The following PHACTR1 variants were observed in gnomAD, a reference collection of about 807,000 sequenced individuals.
The protein encoded by PHACTR1 is RPEL repeat containing 1.
In PHACTR1, 16 loss-of-function variants were observed where a neutral mutation model predicts 69.2. That is an observed-to-expected ratio of 0.23 (90% CI 0.16 to 0.35). The LOEUF is 0.35. Among genes scored for constraint, PHACTR1 ranks in the 10% least tolerant of loss-of-function variants. The pLI, the probability that PHACTR1 is intolerant of heterozygous loss-of-function variation, is 1.00. For missense variants in PHACTR1, 510 were observed against 734.7 expected (o/e 0.69, Z 3.54); for synonymous variants, 312 against 284.5 (o/e 1.10, Z -0.97).
At chr6:12,889,593 G>A (rs958037341) in intron 4 of PHACTR1, among the ~76,000 whole-genome samples, 1 of 152,178 alleles carries the variant, frequency 6.6e-6, no homozygotes, top group African/African-American at 2.4e-5. Flanking sequence ...TCTTTAGCTA[G>A]TGTTTCAGTG....
At chr6:12,900,278 CTCA>C (rs1017885077) in intron 4 of PHACTR1, among the ~76,000 whole-genome samples, 1 of 151,960 alleles carries the variant, frequency 6.6e-6, no homozygotes, top group Non-Finnish European at 1.5e-5. Flanking sequence ...TTCCATTTAG[CTCA>C]TCATTTTTTT....
chr6:13,259,261 A>G (rs1456579142), intron 10 of PHACTR1, among the ~76,000 whole-genome samples: 3 of 152,222 alleles, frequency 2.0e-5, no homozygotes, highest in Non-Finnish European at 4.4e-5. Context: ...AATAATCCTA[A>G]TAATACTGAA....
At chr6:13,224,638 C>T (rs1350097725) in intron 8 of PHACTR1, among the ~76,000 whole-genome samples, 2 of 150,558 alleles carry the variant, frequency 1.3e-5, no homozygotes, top group Non-Finnish European at 3.0e-5. Context: ...TGCTGGGTGT[C>T]TGTCAGCAGC....
chr6:13,102,444 A>C (rs1583363219), intron 5 of PHACTR1, among the ~76,000 whole-genome samples: 1 of 152,330 alleles, frequency 6.6e-6, no homozygotes, highest in South Asian at 2.1e-4. Context: ...CAGTGAATAA[A>C]AATTGTAAAT....
chr6:12,881,185 C>T (rs913623172), intron 4 of PHACTR1, among the ~76,000 whole-genome samples: 7 of 151,854 alleles, frequency 4.6e-5, no homozygotes, highest in African/African-American at 1.7e-4. Flanking sequence ...GCGTGAAAGG[C>T]GGCAGATGTA....
In PHACTR1 at chr6:13,037,677, G is replaced by A. The variant is rs552221197; in HGVS notation, c.251-15688G>A. ...TAAGCTGATGGGCAGACTCCAGGGC[G>A]TTAAGAGCAAGGAGGACCCATTGGG... On this transcript the variant is annotated intron_variant, in intron 4 of 14. Coordinates refer to ENST00000332995, the MANE Select transcript of PHACTR1 (RefSeq NM_030948.6). Among the ~76,000 whole-genome samples the A allele has an allele frequency of 3.7e-4, 56 of 152,312 alleles. No homozygotes were observed. In the South Asian group the frequency reaches 0.011, roughly 30 times the overall value.
intron 11 of PHACTR1, chr6:13,278,051 T>C (rs1387800600): frequency 2.6e-6 from 1 of 381,596 alleles, no homozygotes; most frequent in East Asian, 4.6e-5. Flanking sequence ...GAAGGCAAAA[T>C]GACAAGGTCA....
At chr6:12,827,502 A>T (rs1038176528) in intron 4 of PHACTR1, among the ~76,000 whole-genome samples, 9 of 152,220 alleles carry the variant, frequency 5.9e-5, no homozygotes, top group African/African-American at 2.2e-4. Flanking sequence ...TGTGAATGAA[A>T]GCCTGTGTAT....
intron 4 of PHACTR1, among the ~76,000 whole-genome samples, chr6:13,001,323 A>G (rs1173066485): frequency 5.3e-5 from 8 of 152,162 alleles, no homozygotes; most frequent in African/African-American, 1.7e-4. Flanking sequence ...TAAATAAGAG[A>G]AAAATTGGGA....
chr6:13,262,766 T>C (rs781625274), intron 10 of PHACTR1, among the ~76,000 whole-genome samples: 2 of 152,210 alleles, frequency 1.3e-5, no homozygotes, highest in Non-Finnish European at 2.9e-5. Flanking sequence ...CTCCTACTTT[T>C]GGAGAGAGGA....
At chr6:12,960,852 C>A (rs977805983) in intron 4 of PHACTR1, among the ~76,000 whole-genome samples, 3 of 152,192 alleles carry the variant, frequency 2.0e-5, no homozygotes, top group Non-Finnish European at 2.9e-5. Flanking sequence ...GAATCTACTA[C>A]CCTTAAATGG....
chr6:13,093,803 GTAGA>G (rs1462626785), intron 5 of PHACTR1, among the ~76,000 whole-genome samples: 1 of 152,208 alleles, frequency 6.6e-6, no homozygotes, highest in Non-Finnish European at 1.5e-5. Context: ...AGTCCAGTAA[GTAGA>G]TAGCCTTGAA....
chr6:13,023,358 A>C (rs935407888), intron 4 of PHACTR1, among the ~76,000 whole-genome samples: 2 of 152,210 alleles, frequency 1.3e-5, no homozygotes, highest in Non-Finnish European at 2.9e-5. Context: ...ATCCCCACCT[A>C]AGAGTTAATC....
intron 8 of PHACTR1, among the ~76,000 whole-genome samples, chr6:13,208,499 A>G (rs1766266359): frequency 6.6e-6 from 1 of 152,184 alleles, no homozygotes; most frequent in Non-Finnish European, 1.5e-5. Context: ...GATGTTTGGA[A>G]AACACTACCC....
intron 5 of PHACTR1, among the ~76,000 whole-genome samples, chr6:13,069,286 T>C (rs1356729479): frequency 2.6e-5 from 4 of 152,186 alleles, no homozygotes; most frequent in African/African-American, 9.7e-5. Context: ...TTGCACCTCT[T>C]CTGCTGAATG....
chr6:13,106,285 T>C (rs1253414201), intron 5 of PHACTR1, among the ~76,000 whole-genome samples: 3 of 152,164 alleles, frequency 2.0e-5, no homozygotes, highest in Admixed American at 2.0e-4. Flanking sequence ...TTTATTTATT[T>C]TTATCTTGCT....
At chr6:12,931,097 A>G (rs1788825328) in intron 4 of PHACTR1, among the ~76,000 whole-genome samples, 1 of 152,148 alleles carries the variant, frequency 6.6e-6, no homozygotes, top group African/African-American at 2.4e-5. Flanking sequence ...AGCGTCTATA[A>G]CAAAGAGGCT....
At chr6:13,155,343 C>T (rs1758020674) in intron 5 of PHACTR1, among the ~76,000 whole-genome samples, 1 of 152,200 alleles carries the variant, frequency 6.6e-6, no homozygotes, top group South Asian at 2.1e-4. Flanking sequence ...GATCCACTAT[C>T]TCATCTCACT....
At chr6:13,133,576 C>T (rs1245333394) in intron 5 of PHACTR1, among the ~76,000 whole-genome samples, 2 of 152,262 alleles carry the variant, frequency 1.3e-5, no homozygotes, top group South Asian at 4.1e-4. Context: ...GGATTGCAGA[C>T]GGAGTCTCGC....
Sources: gnomAD v4.1 joint callset for allele counts (sites outside exome capture counted in the v4.1 genomes callset) on GRCh38, gnomAD v4.1.1 for gene constraint, MANE v1.5 for transcripts, NCBI Gene and HGNC (gene_info 2026-07-23, HGNC 2026-07-21) for gene names.